ANKRD30A: variants seen among roughly 807,000 people sequenced by gnomAD.
ANKRD30A encodes the protein ankyrin repeat domain-containing protein 30A.
Under a neutral mutation model 166.3 loss-of-function variants are expected in ANKRD30A, and 170 were observed. The ratio of observed to expected loss-of-function variants is 1.02; its 90% confidence interval spans 0.90 to 1.16. The LOEUF is 1.16. Among genes scored for constraint, ANKRD30A ranks in the 50% most tolerant of loss-of-function variants. The pLI, the probability that ANKRD30A is intolerant of heterozygous loss-of-function variation, is 0.00. For synonymous variants in ANKRD30A, 564 were observed against 508.9 expected, an observed-to-expected ratio of 1.11 and a Z score of -1.46; for missense variants, 1,630 against 1,518.0, an observed-to-expected ratio of 1.07 and a Z score of -1.23.
chr10:37,156,387 A>AG (rs1838384763), intron 13 of ANKRD30A, among the ~76,000 whole-genome samples: 1 of 152,134 alleles, frequency 6.6e-6, no homozygotes, highest in Admixed American at 6.5e-5. Context: ...TAATAAAAAA[A>AG]AACTAAGGTG....
Position 37,219,823 on chromosome 10 carries a change from GA to G in ANKRD30A, c.4112del (p.Glu1371GlyfsTer10). The part of the protein sequence containing the change: ...MQHHLLKEKN[E>X]EIFNYNNHLK... ...ACATCATCTCCTAAAAGAGAAAAAT[GA>G]GGAGATATTTAATTACAATAACCAT... is the stretch of plus-strand genomic sequence containing the variant. On this transcript the variant is annotated frameshift_variant, in exon 34 of 36. Coordinates refer to ENST00000361713, the MANE Select transcript of ANKRD30A (RefSeq NM_052997.3). LOFTEE classifies it high-confidence loss of function. 6.3e-7 allele frequency: 1 copy of G among 1,597,672 alleles called. No homozygotes were observed. The highest frequency in any genetic ancestry group is 1.1e-5 in the South Asian group (1 of 89,060).
intron 5 of ANKRD30A, among the ~76,000 whole-genome samples, chr10:37,134,986 C>G (rs945879781): frequency 3.9e-5 from 6 of 152,102 alleles, no homozygotes; most frequent in African/African-American, 1.2e-4. Context: ...CCGTAAGATC[C>G]CTTGTCATCT....
chr10:37,217,609 A>G (rs1444081248), intron 32 of ANKRD30A, 86 bp from the exon 33 acceptor site: 3 of 1,111,774 alleles, frequency 2.7e-6, no homozygotes, highest in Admixed American at 3.3e-5. Context: ...TATTGGACTA[A>G]TAACCCAATA....
chr10:37,225,425 A>G (rs1843102003), intron 34 of ANKRD30A, among the ~76,000 whole-genome samples: 1 of 151,792 alleles, frequency 6.6e-6, no homozygotes, highest in Non-Finnish European at 1.5e-5. Flanking sequence ...AAATTACAGA[A>G]AAGAAGTTAA....
Position 37,200,213 on chromosome 10 carries a change from G to T in ANKRD30A, c.2778+425G>T, listed in dbSNP as rs575993419. On this transcript the variant is annotated intron_variant, in intron 30 of 35. Coordinates refer to ENST00000361713, the MANE Select transcript of ANKRD30A (RefSeq NM_052997.3). ...TATTGTAAAAGTTGGGACCTGAAAAGTTAATGCCTGGGACTTGAACGTATT... is the reference window on the plus strand; with the variant it reads ...TATTGTAAAAGTTGGGACCTGAAAATTTAATGCCTGGGACTTGAACGTATT... Among the ~76,000 whole-genome samples, 45 of 152,128 alleles carry T rather than the reference G, an allele frequency of 3.0e-4. No individual in the cohort carries two copies. The South Asian group carries it at 5.2e-3, about 17-fold the overall frequency.
chr10:37,193,736 A>G (rs1248079504), intron 27 of ANKRD30A, among the ~76,000 whole-genome samples: 2 of 152,084 alleles, frequency 1.3e-5, no homozygotes, highest in East Asian at 1.9e-4. Flanking sequence ...TTAAAAAATC[A>G]GTCAAGCAAT....
chr10:37,142,570 C>CTTTTTTTT lies in ANKRD30A; in HGVS notation c.1393+303_1393+310dup, dbSNP rs869026268. 6.3e-5 allele frequency among the ~76,000 whole-genome samples: 5 copies of CTTTTTTTT among 78,970 alleles called. 1 individual carries two copies. The highest frequency in any genetic ancestry group is 6.9e-5 in the Non-Finnish European group (3 of 43,666). 51.8% of individuals were successfully genotyped at this position (78,970 alleles called of 152,430 possible). ...GGTACAGGGATATCATAGGATCACA[C>CTTTTTTTT]TTTTTTTTTTTTTTTTTTTTTTTTT... On this transcript the variant is annotated intron_variant, in intron 7 of 35. Transcript: ENST00000361713.
intron 15 of ANKRD30A, among the ~76,000 whole-genome samples, chr10:37,162,055 C>A (rs1260175146): frequency 1.3e-5 from 2 of 151,984 alleles, no homozygotes; most frequent in Non-Finnish European, 2.9e-5. Context: ...TTTTACACAT[C>A]TTCTTGCATG....
At chr10:37,152,347 A>G (rs1838014125) in intron 12 of ANKRD30A, among the ~76,000 whole-genome samples, 1 of 152,132 alleles carries the variant, frequency 6.6e-6, no homozygotes, top group Admixed American at 6.6e-5. Flanking sequence ...AAAGTGGTAT[A>G]GTGTAAAAAC....
intron 27 of ANKRD30A, among the ~76,000 whole-genome samples, chr10:37,196,298 G>C (rs1841100469): frequency 6.6e-6 from 1 of 151,930 alleles, no homozygotes; most frequent in Non-Finnish European, 1.5e-5. Context: ...ACTAGAATTG[G>C]GGGAACCACA....
At chr10:37,146,232 T>A (rs1471031317) in intron 8 of ANKRD30A, among the ~76,000 whole-genome samples, 1 of 152,288 alleles carries the variant, frequency 6.6e-6, no homozygotes, top group Non-Finnish European at 1.5e-5. Flanking sequence ...CTTACTACTT[T>A]TTCATTTTAT....
chr10:37,133,901 T>C lies in ANKRD30A; in HGVS notation c.618-15T>C. On this transcript the variant is annotated splice_polypyrimidine_tract_variant and intron_variant, in intron 4 of 35. Transcript: ENST00000361713. ...TTCTGCTCATAATAATGAAGTTATC[T>C]CTTTGTTATTTTAGCACAGCCCTCA... The C allele has an allele frequency of 6.2e-7, 1 of 1,613,002 alleles. No homozygotes were observed. The highest frequency in any genetic ancestry group is 8.5e-7 in the Non-Finnish European group (1 of 1,179,536).
chr10:37,154,658 G>A (rs546075307), intron 13 of ANKRD30A, among the ~76,000 whole-genome samples: 5 of 152,198 alleles, frequency 3.3e-5, no homozygotes, highest in African/African-American at 1.2e-4. Flanking sequence ...AAGAGCACAA[G>A]TCTAGAGATT....
At chr10:37,149,151 A>G (rs1166103521) in intron 9 of ANKRD30A, among the ~76,000 whole-genome samples, 3 of 152,028 alleles carry the variant, frequency 2.0e-5, no homozygotes, top group Admixed American at 6.6e-5. Context: ...GTTATGGAAA[A>G]CAATGAATAT....
intron 13 of ANKRD30A, 68 bp from the exon 14 acceptor site, chr10:37,158,324 T>C: frequency 6.5e-7 from 1 of 1,542,520 alleles, no homozygotes; most frequent in South Asian, 1.1e-5. Flanking sequence ...ATGTTCACAC[T>C]GTGTGAATGT....
intron 34 of ANKRD30A, among the ~76,000 whole-genome samples, chr10:37,224,212 G>A (rs1245931263): frequency 6.6e-6 from 1 of 151,054 alleles, no homozygotes; most frequent in African/African-American, 2.4e-5. Context: ...TATTTCTGAA[G>A]ATATTTTTGT....
intron 13 of ANKRD30A, 49 bp from the exon 14 acceptor site, chr10:37,158,343 C>A (rs371719044): frequency 7.6e-5 from 120 of 1,580,660 alleles, no homozygotes; most frequent in Non-Finnish European, 9.7e-5. Context: ...GTTCGGTAGG[C>A]TTTGTCAGGC....
At chr10:37,136,137 G>A (rs1836670595) in intron 5 of ANKRD30A, among the ~76,000 whole-genome samples, 1 of 152,072 alleles carries the variant, frequency 6.6e-6, no homozygotes, top group African/African-American at 2.4e-5. Context: ...TCAGCAATTA[G>A]GTTCAAGAAC....
chr10:37,190,144 A>G (rs1184300075), intron 25 of ANKRD30A, among the ~76,000 whole-genome samples: 1 of 151,884 alleles, frequency 6.6e-6, no homozygotes, highest in African/African-American at 2.4e-5. Context: ...ACATGTATAT[A>G]AATTGTCATA....
Sources: allele counts gnomAD v4.1 joint callset (sites outside exome capture counted in the v4.1 genomes callset), GRCh38; gene constraint gnomAD v4.1.1; transcripts MANE v1.5; gene names NCBI Gene and HGNC (gene_info 2026-07-23, HGNC 2026-07-21).